The following LMF1 variants were observed in gnomAD, a reference collection of about 807,000 sequenced individuals.
LMF1 encodes lipase maturation factor 1, also known as transmembrane protein 112.
Under a neutral mutation model 60.6 loss-of-function variants are expected in LMF1, and 68 were observed. The ratio of observed to expected loss-of-function variants is 1.12; its 90% CI spans 0.92 to 1.37. LMF1 has a LOEUF of 1.37. LMF1 is among the 40% of genes most tolerant of loss of function. The pLI, the probability that LMF1 is intolerant of heterozygous loss-of-function variation, is 0.00. For missense variants in LMF1, 948 were observed against 767.2 expected, an observed-to-expected ratio of 1.24 and a Z score of -2.78; for synonymous variants, 418 against 324.7, an observed-to-expected ratio of 1.29 and a Z score of -3.09.
In LMF1 at chr16:970,851, G is replaced by T; in HGVS notation, c.130C>A (p.Leu44Ile). The change falls in exon 1 of 11, where the codon CTC becomes ATC. Residue 44 changes from leucine to isoleucine, a missense_variant. Leu to Ile is a conservative substitution (Grantham distance 5). Transcript: ENST00000262301. ...GTCAGCCAGAAGGTGCCCGTGTGGA[G>T]ATGGGCCGGAGAGCCTGCGGGGCCA... is the stretch of plus-strand genomic sequence containing the variant. ...GRGPAGSPAH[L>I]HTGTFWLTRI... 1 of 1,557,172 alleles carries T rather than the reference G, an allele frequency of 6.4e-7. No individual in the cohort carries two copies. The highest frequency in any genetic ancestry group is 2.4e-5 in the East Asian group (1 of 40,892).
intron 4 of LMF1, among the ~76,000 whole-genome samples, chr16:909,976 C>T (rs555329103): frequency 3.3e-5 from 5 of 152,330 alleles, no homozygotes; most frequent in East Asian, 3.9e-4. Context: ...GAATCCTCCA[C>T]GAAACACTTA....
intron 6 of LMF1, among the ~76,000 whole-genome samples, chr16:877,165 C>T (rs2070016029): frequency 6.6e-6 from 1 of 152,238 alleles, no homozygotes; most frequent in African/African-American, 2.4e-5. Flanking sequence ...ACCCCCAGCT[C>T]TACAAAAAAT....
Position 938,683 on chromosome 16 carries a change from C to T in LMF1, c.504-4429G>A, listed in dbSNP as rs529404049. 1.3e-4 allele frequency among the ~76,000 whole-genome samples: 20 copies of T among 152,288 alleles called. 1 individual carries two copies. Among genetic ancestry groups the T allele is most frequent in the South Asian group, 1.2e-3 (6 of 4,826 alleles). On this transcript the variant is annotated intron_variant, in intron 2 of 10. Coordinates refer to ENST00000262301, the MANE Select transcript of LMF1 (RefSeq NM_022773.4). Reference sequence around the variant, plus strand: ...GACCCGGGCTGTTGAAGCCAGGCAGCGCAGGGAGCACCAAGTGCATGTGTG... The same window carrying T: ...GACCCGGGCTGTTGAAGCCAGGCAGTGCAGGGAGCACCAAGTGCATGTGTG...
chr16:949,051 AGTCAGAGC>A (rs2072350287), intron 2 of LMF1, among the ~76,000 whole-genome samples: 1 of 148,212 alleles, frequency 6.7e-6, no homozygotes, highest in African/African-American at 2.6e-5. Context: ...CCAACGACAG[AGTCAGAGC>A]CAACGACAGA....
intron 4 of LMF1, among the ~76,000 whole-genome samples, chr16:906,812 A>C (rs902592321): frequency 2.6e-5 from 4 of 152,154 alleles, no homozygotes; most frequent in Non-Finnish European, 4.4e-5. Flanking sequence ...TATACATCTA[A>C]GAGTCAGTTT....
At position 875,082 on chromosome 16, in the gene LMF1, G is replaced by A. The variant is rs113148562; in HGVS notation, c.898-3741C>T. Among the ~76,000 whole-genome samples the A allele has an allele frequency of 2.7e-3, 406 of 152,248 alleles. 2 individuals carry two copies. Among genetic ancestry groups the A allele is most frequent in the African/African-American group, 9.2e-3 (382 of 41,532 alleles). On this transcript the variant is annotated intron_variant, in intron 6 of 10. Transcript: ENST00000262301. ...GCCACGACCCTGGTGCTTCCACCTC[G>A]TCCTGGACACAGTGTGGGGCTGGAG...
intron 3 of LMF1, among the ~76,000 whole-genome samples, chr16:921,900 A>G (rs1254479994): frequency 6.6e-6 from 1 of 152,232 alleles, no homozygotes; most frequent in Non-Finnish European, 1.5e-5. Context: ...GACTACATAG[A>G]AAATTTAAAA....
At chr16:863,568 T>C (rs2069530645) in intron 10 of LMF1, among the ~76,000 whole-genome samples, 1 of 152,256 alleles carries the variant, frequency 6.6e-6, no homozygotes, top group Non-Finnish European at 1.5e-5. Flanking sequence ...CTATTGTTTG[T>C]TTTCAGTTTC....
At chr16:927,495 G>C (rs1008073150) in intron 3 of LMF1, among the ~76,000 whole-genome samples, 5 of 152,248 alleles carry the variant, frequency 3.3e-5, no homozygotes, top group South Asian at 2.1e-4. Flanking sequence ...GTTGCAGCCC[G>C]GCAGCTGAGC....
At chr16:871,616 G>A (rs554347425) in intron 6 of LMF1, 6 of 446,740 alleles carry the variant, frequency 1.3e-5, no homozygotes, top group African/African-American at 6.0e-5. Context: ...TTAGTGATCC[G>A]CAAGGCGGGG....
rs906144411 is a variant in LMF1, at chr16:876,719, G to A, written c.897+2851C>T. Among the ~76,000 whole-genome samples the A allele has an allele frequency of 7.3e-5, 11 of 151,326 alleles. 1 individual carries two copies. Among genetic ancestry groups the A allele is most frequent in the African/African-American group, 2.7e-4 (11 of 41,242 alleles). On this transcript the variant is annotated intron_variant, in intron 6 of 10. Transcript: ENST00000262301. ...GGTGGGCTGAGGACCTTGGACAGAG[G>A]CGGGCTGGGCGGGCTGAGGACCTCG...
At chr16:923,010 T>C (rs1385237517) in intron 3 of LMF1, among the ~76,000 whole-genome samples, 1 of 120,128 alleles carries the variant, frequency 8.3e-6, no homozygotes, top group Non-Finnish European at 1.7e-5. Context: ...GGTGTTGGTG[T>C]CGTGTTGTTG....
At chr16:980,211 C>T (rs946816236) in intron 1 of LMF1, 24 of 181,314 alleles carry the variant, frequency 1.3e-4, no homozygotes, top group Admixed American at 8.5e-4. Flanking sequence ...CTCCAAAGGC[C>T]CTGGCCCCCT....
intron 4 of LMF1, among the ~76,000 whole-genome samples, chr16:907,953 G>C (rs996969476): frequency 6.6e-6 from 1 of 152,208 alleles, no homozygotes; most frequent in Non-Finnish European, 1.5e-5. Flanking sequence ...AGGCATTGTG[G>C]GAGCTGTTCA....
intron 5 of LMF1, among the ~76,000 whole-genome samples, chr16:881,206 G>A (rs1596892640): frequency 6.6e-6 from 1 of 152,356 alleles, no homozygotes; most frequent in South Asian, 2.1e-4. Context: ...ACCCGAGGGG[G>A]TGACCGGGCA....
At chr16:865,946 T>C (rs1279054681) in intron 10 of LMF1, among the ~76,000 whole-genome samples, 1 of 152,250 alleles carries the variant, frequency 6.6e-6, no homozygotes, top group East Asian at 1.9e-4. Context: ...GTGTCAGTTA[T>C]ATTTTTCACT....
intron 2 of LMF1, among the ~76,000 whole-genome samples, chr16:948,196 CGACAGAGTCAGCCAAT>C (rs2072299872): frequency 7.3e-6 from 1 of 136,070 alleles, no homozygotes. Flanking sequence ...TCAGAGACAA[CGACAGAGTCAGCCAAT>C]GACAGAGTCA....
rs35265865 is a variant in LMF1 at position 870,841 on chromosome 16, G to A, written c.1120C>T (p.Leu374=). The A allele has an allele frequency of 7.3e-4, 1,178 of 1,611,748 alleles. 6 individuals carry two copies. In the African/African-American group the frequency reaches 0.015, roughly 20 times the overall value. Residue 374 remains leucine, a synonymous_variant, in exon 8 of 11, where the codon CTG becomes TTG. Coordinates refer to ENST00000262301, the MANE Select transcript of LMF1 (RefSeq NM_022773.4). ...RRAANVSLGV[L]LAWLSVPVVL... is the part of the protein sequence containing the mutation. Reference sequence around the variant, plus strand: ...ACGGGCACGCTGAGCCAGGCCAGCAGGACGCCCAGCGAGACGTTGGCTGCA... The same window carrying A: ...ACGGGCACGCTGAGCCAGGCCAGCAAGACGCCCAGCGAGACGTTGGCTGCA...
At chr16:941,999 C>T (rs2072112317) in intron 2 of LMF1, among the ~76,000 whole-genome samples, 1 of 152,206 alleles carries the variant, frequency 6.6e-6, no homozygotes, top group Admixed American at 6.5e-5. Flanking sequence ...GATTTTACTC[C>T]TTTCTATAGA....
Sources: allele counts gnomAD v4.1 joint callset (sites outside exome capture counted in the v4.1 genomes callset), GRCh38; gene constraint gnomAD v4.1.1; transcripts MANE v1.5; gene names NCBI Gene and HGNC (gene_info 2026-07-23, HGNC 2026-07-21).